Variants in EFCAB6 observed in about 807,000 individuals in gnomAD.
EFCAB6 encodes the protein EF-hand calcium binding domain 6, also known as EF-hand calcium-binding domain-containing protein 6.
In EFCAB6, 156 loss-of-function variants were observed where a neutral mutation model predicts 169.8. That is an observed-to-expected ratio of 0.92 (90% CI 0.81 to 1.05). EFCAB6 has a LOEUF of 1.05. EFCAB6 is among the 50% of genes least tolerant of loss of function. The pLI, the probability that EFCAB6 is intolerant of heterozygous loss-of-function variation, is 0.00. For missense variants in EFCAB6, 1,800 were observed against 1,829.1 expected (o/e 0.98, Z 0.29); for synonymous variants, 698 against 676.4 (o/e 1.03, Z -0.50).
chr22:43,681,975 C>T (rs999820222), intron 12 of EFCAB6, among the ~76,000 whole-genome samples: 29 of 152,148 alleles, frequency 1.9e-4, no homozygotes, highest in Non-Finnish European at 4.0e-4. Context: ...CATGCCTTGG[C>T]GTGGATCTAA....
At chr22:43,734,088 GCA>G (rs2060050698) in intron 7 of EFCAB6, among the ~76,000 whole-genome samples, 1 of 152,112 alleles carries the variant, frequency 6.6e-6, no homozygotes, top group Non-Finnish European at 1.5e-5. Flanking sequence ...GGAGGAGAGA[GCA>G]CAGACTTCAC....
In EFCAB6 at chr22:43,672,037, G is replaced by T. The variant is rs142083672; in HGVS notation, c.1576C>A (p.Arg526=). The T allele has an allele frequency of 6.2e-7, 1 of 1,614,040 alleles. No individual in the cohort carries two copies. Among genetic ancestry groups the T allele is most frequent in the African/African-American group, 1.3e-5 (1 of 75,022 alleles). Residue 526 remains arginine, a synonymous_variant, in exon 15 of 32, where the codon CGA becomes AGA. Transcript: ENST00000262726. ...YDLGDTGRIG[R]NNFKKIMHVF... is the part of the protein sequence containing the mutation. ...TGCATGATTTTCTTGAAATTATTTC[G>T]GCCAATGCGCCCTGTGTCTCCAAGG... is the stretch of plus-strand genomic sequence containing the variant.
Position 43,716,912 on chromosome 22 carries a change from G to A in EFCAB6, c.818C>T (p.Ala273Val), listed in dbSNP as rs747649832. Residue 273 changes from alanine to valine, a missense_variant, in exon 9 of 32, where the codon GCA (alanine) becomes GTA (valine). Ala to Val is a moderately conservative substitution (Grantham distance 64). Transcript: ENST00000262726. ...GTTTCTCCAGATATCTTCAGATGAT[G>A]CAGAACCTAGCAAACGTTCCTTTTT... ...NSKKERLLGS[A>V]SSEDIWRNYS... The A allele has an allele frequency of 6.3e-7, 1 of 1,591,690 alleles. No individual in the cohort carries two copies.
intron 9 of EFCAB6, 133 bp from the exon 10 acceptor site, chr22:43,711,756 T>C: frequency 9.8e-7 from 1 of 1,019,926 alleles, no homozygotes; most frequent in Non-Finnish European, 1.3e-6. Context: ...TACTATGGCA[T>C]GTACTGAACT....
chr22:43,734,912 A>G (rs1336838047), intron 7 of EFCAB6, among the ~76,000 whole-genome samples: 1 of 152,206 alleles, frequency 6.6e-6, no homozygotes, highest in Non-Finnish European at 1.5e-5. Context: ...ATGAGATACA[A>G]GGAGCTACCG....
At chr22:43,575,805 C>T (rs982708772) in intron 26 of EFCAB6, among the ~76,000 whole-genome samples, 9 of 152,080 alleles carry the variant, frequency 5.9e-5, no homozygotes, top group African/African-American at 1.7e-4. Context: ...GTGCCAAGGC[C>T]TCATCTCTCA....
intron 2 of EFCAB6, among the ~76,000 whole-genome samples, chr22:43,784,557 A>G (rs1156710765): frequency 2.3e-5 from 2 of 87,940 alleles, no homozygotes; most frequent in Non-Finnish European, 4.3e-5. Flanking sequence ...ATGTATATAT[A>G]CACATATATA....
chr22:43,671,954 T>C lies in EFCAB6; in HGVS notation c.1640+19A>G. 1 of 1,609,922 alleles carries C rather than the reference T, an allele frequency of 6.2e-7. No homozygotes were observed. Among genetic ancestry groups the C allele is most frequent in the Non-Finnish European group, 8.5e-7 (1 of 1,178,638 alleles). ...GATGAAAAACACGACATGAATTAAT[T>C]TTGTTACAAAAAACTTACTTTATGA... On this transcript the variant is annotated intron_variant, in intron 15 of 31. Coordinates refer to ENST00000262726, the MANE Select transcript of EFCAB6 (RefSeq NM_022785.4).
At chr22:43,783,750 T>C (rs557221377) in intron 2 of EFCAB6, among the ~76,000 whole-genome samples, 1 of 152,314 alleles carries the variant, frequency 6.6e-6, no homozygotes, top group South Asian at 2.1e-4. Context: ...CCACAACTAC[T>C]ACATTATATT....
At position 43,773,006 on chromosome 22, in the gene EFCAB6, A is replaced by T; in HGVS notation, c.237T>A (p.Phe79Leu). 1 of 1,614,248 alleles carries T rather than the reference A, an allele frequency of 6.2e-7. No individual in the cohort carries two copies. The highest frequency in any genetic ancestry group is 8.5e-7 in the Non-Finnish European group (1 of 1,180,044). The change falls in exon 4 of 32, where the codon TTT becomes TTA. Residue 79 changes from phenylalanine (F) to leucine (L), a missense_variant. Coordinates refer to ENST00000262726, the MANE Select transcript of EFCAB6 (RefSeq NM_022785.4). The part of the protein sequence containing the change: ...TDRGDELQKA[F>L]QLLDTGQNLT... ...AGTTCTGACCAGTATCCAGCAGCTG[A>T]AAGGCTTTTTGCAACTCATCCCCTC...
At chr22:43,560,553 G>A (rs1247203779) in intron 26 of EFCAB6, among the ~76,000 whole-genome samples, 3 of 152,206 alleles carry the variant, frequency 2.0e-5, no homozygotes. Context: ...CTCTCAGGAG[G>A]GAACACCATG....
Position 43,667,088 on chromosome 22 carries a change from A to G in EFCAB6, c.1983+16T>C. On this transcript the variant is annotated intron_variant, in intron 17 of 31. Transcript: ENST00000262726. ...ACTTCTGCAGGATAGAAACAAAGAG[A>G]AACCCATTCTCCTACCTTCTTAAAG... 6.2e-7 allele frequency: 1 copy of G among 1,608,408 alleles called. No individual in the cohort carries two copies. Among genetic ancestry groups the G allele is most frequent in the Non-Finnish European group, 8.5e-7 (1 of 1,177,354 alleles).
chr22:43,705,603 T>C (rs928535300), intron 10 of EFCAB6, among the ~76,000 whole-genome samples: 1 of 152,054 alleles, frequency 6.6e-6, no homozygotes, highest in African/African-American at 2.4e-5. Flanking sequence ...ACATGGAAAT[T>C]AAACAATATG....
chr22:43,687,320 C>T (rs958312459), intron 11 of EFCAB6, 151 bp downstream of exon 11: 2 of 513,962 alleles, frequency 3.9e-6, no homozygotes, highest in Non-Finnish European at 3.3e-6. Flanking sequence ...AATTTGTAAG[C>T]AGTAAATCAC....
intron 4 of EFCAB6, 118 bp from the exon 5 acceptor site, chr22:43,765,511 A>G: frequency 1.5e-6 from 1 of 683,830 alleles, no homozygotes; most frequent in Non-Finnish European, 2.5e-6. Context: ...TATTAACAGG[A>G]CGAGCATTCC....
At chr22:43,667,327 T>G in intron 16 of EFCAB6, 55 bp from the exon 17 acceptor site, 1 of 1,582,756 alleles carries the variant, frequency 6.3e-7, no homozygotes, top group Admixed American at 1.7e-5. Context: ...CGCAGGGTGC[T>G]TCCTCCAGAC....
intron 3 of EFCAB6, among the ~76,000 whole-genome samples, chr22:43,775,505 C>G (rs1025008422): frequency 2.0e-5 from 3 of 152,140 alleles, no homozygotes; most frequent in African/African-American, 7.2e-5. Context: ...TTCAGTGGCA[C>G]AATCTTGGCT....
chr22:43,594,699 C>A (rs2051862459), intron 23 of EFCAB6, among the ~76,000 whole-genome samples: 1 of 152,172 alleles, frequency 6.6e-6, no homozygotes, highest in African/African-American at 2.4e-5. Context: ...GCAGACAACA[C>A]TCCACTTTCA....
At chr22:43,753,695 G>A (rs1390882221) in intron 6 of EFCAB6, among the ~76,000 whole-genome samples, 2 of 152,186 alleles carry the variant, frequency 1.3e-5, no homozygotes, top group African/African-American at 4.8e-5. Flanking sequence ...ATCAGACCAA[G>A]CTCATTGCAG....
Sources: gnomAD v4.1 joint callset for allele counts (sites outside exome capture counted in the v4.1 genomes callset) on GRCh38, gnomAD v4.1.1 for gene constraint, MANE v1.5 for transcripts, NCBI Gene and HGNC (gene_info 2026-07-23, HGNC 2026-07-21) for gene names.